Variants in PDE1A observed in about 807,000 individuals in gnomAD.
The protein encoded by PDE1A is phosphodiesterase 1A, also known as dual specificity calcium/calmodulin-dependent 3',5'-cyclic nucleotide phosphodiesterase 1A.
Under a neutral mutation model 61.7 loss-of-function variants are expected in PDE1A, and 35 were observed. The observed-to-expected ratio is 0.57, with a 90% CI of 0.43 to 0.75. The LOEUF is 0.75. PDE1A is among the 30% of genes least tolerant of loss of function. The pLI is 0.00. For missense variants in PDE1A, 597 were observed against 630.6 expected (o/e 0.95, Z 0.57); for synonymous variants, 232 against 213.2 (o/e 1.09, Z -0.77).
At chr2:182,233,971 A>G (rs995233122) in intron 4 of PDE1A, among the ~76,000 whole-genome samples, 1 of 152,160 alleles carries the variant, frequency 6.6e-6, no homozygotes, top group Non-Finnish European at 1.5e-5. Context: ...TCTTAATTTT[A>G]TCTTACATTT....
chr2:182,683,244 A>T, the PDE1A span, among the ~76,000 whole-genome samples: 1 of 151,710 alleles, frequency 6.6e-6, no homozygotes, highest in Non-Finnish European at 1.5e-5. Flanking sequence ...GGCGTGCTGT[A>T]ATTTTTGTAC....
chr2:182,166,274 C>G (rs545296220), downstream of PDE1A, among the ~76,000 whole-genome samples: 1 of 152,236 alleles, frequency 6.6e-6, no homozygotes, highest in African/African-American at 2.4e-5. Flanking sequence ...AGAAAAAGAC[C>G]TACCCTGAAT....
intron 10 of PDE1A, among the ~76,000 whole-genome samples, chr2:182,195,586 GCTCTGGACAGAC>G (rs1179634874): frequency 2.6e-4 from 40 of 152,112 alleles, no homozygotes. Context: ...ACCATGATGA[GCTCTGGACAGAC>G]CTCTTTTGAT....
chr2:182,515,954 CTGTGTGTGTGTGTGTGTG>C (rs201729102), intron 2 of PDE1A, among the ~76,000 whole-genome samples: 1 of 130,526 alleles, frequency 7.7e-6, no homozygotes, highest in Middle Eastern at 4.4e-3. Flanking sequence ...GTGTGTGTTT[CTGTGTGTGTGTGTGTGTG>C]TGTGTGTGTG....
At chr2:182,157,083 C>T (rs74446667) in intron 13 of PDE1A, among the ~76,000 whole-genome samples, 36,978 of 149,334 alleles carry the variant, frequency 0.25, 5,642 homozygotes, top group Non-Finnish European at 0.32. Flanking sequence ...GGTGCAATCT[C>T]GGCTCACTGC....
intron 1 of PDE1A, among the ~76,000 whole-genome samples, chr2:182,304,201 C>A (rs987447306): frequency 2.6e-5 from 4 of 152,106 alleles, no homozygotes; most frequent in African/African-American, 7.2e-5. Flanking sequence ...TTTTCTTAAT[C>A]CTCATAAACC....
intron 2 of PDE1A, among the ~76,000 whole-genome samples, chr2:182,500,397 A>G (rs909644917): frequency 6.6e-6 from 1 of 152,230 alleles, no homozygotes; most frequent in African/African-American, 2.4e-5. Flanking sequence ...TCAGTAAAGA[A>G]TATTTAAAAT....
chr2:182,458,413 C>T (rs1015657162), intron 2 of PDE1A, among the ~76,000 whole-genome samples: 1 of 152,034 alleles, frequency 6.6e-6, no homozygotes, highest in Admixed American at 6.6e-5. Flanking sequence ...GTCCCTGTGT[C>T]CATGGAGCTT....
At chr2:182,602,992 C>CACATACATACATACAT in the PDE1A span, among the ~76,000 whole-genome samples, 27 of 130,488 alleles carry the variant, frequency 2.1e-4, no homozygotes, top group East Asian at 6.2e-4. Flanking sequence ...CACACACACA[C>CACATACATACATACAT]ACATACATAC....
chr2:182,208,339 A>T (rs1414989938), intron 7 of PDE1A, among the ~76,000 whole-genome samples: 1 of 152,184 alleles, frequency 6.6e-6, no homozygotes, highest in Non-Finnish European at 1.5e-5. Flanking sequence ...GGCACATCTT[A>T]AATGGCAGCA....
rs555445297 is a variant in PDE1A at position 182,406,320 on chromosome 2, GTTTTGTGGATCTGATTAGCAGTCAATTTA to G, written c.53+20229_53+20257del. 8.2e-4 allele frequency among the ~76,000 whole-genome samples: 124 copies of G among 151,820 alleles called. 1 individual carries two copies. Among genetic ancestry groups the G allele is most frequent in the Non-Finnish European group, 8.7e-4 (59 of 67,932 alleles). On this transcript the variant is annotated intron_variant, in intron 1 of 13. Transcript: ENST00000351439. ...TCTTTAGCATAAACCTAACAGAGTA[GTTTTGTGGATCTGATTAGCAGTCAATTTA>G]TTTTTAGGTTTTTTGGCTCACAGTA...
At chr2:182,412,724 GACAGTTACACTAGAT>G (rs1702689533) in intron 1 of PDE1A, among the ~76,000 whole-genome samples, 2 of 152,058 alleles carry the variant, frequency 1.3e-5, no homozygotes, top group South Asian at 4.1e-4. Flanking sequence ...TATGAAATAA[GACAGTTACACTAGAT>G]ACAAGGTTTT....
chr2:182,369,915 C>T (rs541803245), intron 1 of PDE1A, among the ~76,000 whole-genome samples: 46 of 152,344 alleles, frequency 3.0e-4, no homozygotes, highest in African/African-American at 8.4e-4. Flanking sequence ...TGGCTCACGC[C>T]TGTAATCCCA....
intron 1 of PDE1A, among the ~76,000 whole-genome samples, chr2:182,315,375 C>T (rs1317321728): frequency 6.6e-6 from 1 of 152,134 alleles, no homozygotes; most frequent in Non-Finnish European, 1.5e-5. Flanking sequence ...GAGTTTCTCT[C>T]TCAGAACTTA....
chr2:182,270,085 C>T (rs945833681), intron 1 of PDE1A, among the ~76,000 whole-genome samples: 1 of 152,052 alleles, frequency 6.6e-6, no homozygotes, highest in Non-Finnish European at 1.5e-5. Context: ...TAAAAATCAG[C>T]CTGAAAATAT....
rs187236782 is a variant in PDE1A, at chr2:182,219,497, G to A, written c.776+4367C>T. Among the ~76,000 whole-genome samples, 471 of 152,110 alleles carry A rather than the reference G, an allele frequency of 3.1e-3. 3 individuals are homozygous for A. The highest frequency in any genetic ancestry group is 0.012 in the South Asian group (57 of 4,822). On this transcript the variant is annotated intron_variant, in intron 7 of 13. Coordinates refer to ENST00000351439, the Ensembl canonical transcript of PDE1A. ...TTCAATCTCTTAAAATGGTGAACTCGTTCATATAAGTTGGCAAGTTGAATA... is the reference window on the plus strand; with the variant it reads ...TTCAATCTCTTAAAATGGTGAACTCATTCATATAAGTTGGCAAGTTGAATA...
At chr2:182,691,084 T>C in the PDE1A span, among the ~76,000 whole-genome samples, 7 of 152,122 alleles carry the variant, frequency 4.6e-5, no homozygotes, top group Non-Finnish European at 8.8e-5. Context: ...GACTCAATAT[T>C]GTGAAAATGG....
At chr2:182,575,867 T>C in the PDE1A span, among the ~76,000 whole-genome samples, 4 of 146,742 alleles carry the variant, frequency 2.7e-5, no homozygotes, top group Non-Finnish European at 6.0e-5. Flanking sequence ...CTTGTGATCA[T>C]ATAAGTTAAT....
the PDE1A span, among the ~76,000 whole-genome samples, chr2:182,687,743 GA>G: frequency 3.9e-5 from 6 of 152,284 alleles, no homozygotes; most frequent in South Asian, 1.2e-3. Flanking sequence ...CAAGCTGAAG[GA>G]AGTTCGAACC....
Sources: gnomAD v4.1 joint callset for allele counts (sites outside exome capture counted in the v4.1 genomes callset) on GRCh38, gnomAD v4.1.1 for gene constraint, MANE v1.5 for transcripts, NCBI Gene and HGNC (gene_info 2026-07-23, HGNC 2026-07-21) for gene names.